DPP10: variants seen among roughly 807,000 people sequenced by gnomAD.
The protein encoded by DPP10 is inactive dipeptidyl peptidase 10.
A neutral mutation model predicts 120.9 loss-of-function variants in DPP10; 33 were observed. The ratio of observed to expected loss-of-function variants is 0.27; its 90% CI spans 0.21 to 0.37. The LOEUF is 0.37. Ranked by LOEUF, DPP10 falls within the 10% of genes least tolerant of loss-of-function variation. The probability of loss-of-function intolerance (pLI) is 1.00; values close to 1 mark genes in which losing one functional copy is unlikely to be tolerated. For synonymous variants in DPP10, 337 were observed against 326.1 expected, an observed-to-expected ratio of 1.03 and a Z score of -0.36; for missense variants, 816 against 942.8, an observed-to-expected ratio of 0.87 and a Z score of 1.76.
intron 3 of DPP10, among the ~76,000 whole-genome samples, chr2:115,358,762 G>T (rs1440747616): frequency 2.6e-5 from 4 of 152,174 alleles, no homozygotes; most frequent in Non-Finnish European, 5.9e-5. Context: ...AGTTCAGCAT[G>T]CCTGGGAAGG....
At chr2:115,766,170 A>T (rs1680683392) in intron 12 of DPP10, among the ~76,000 whole-genome samples, 2 of 151,702 alleles carry the variant, frequency 1.3e-5, no homozygotes, top group African/African-American at 4.8e-5. Flanking sequence ...AAGTATGTAA[A>T]TATGAGATTA....
chr2:114,849,567 A>G (rs1558806556), intron 1 of DPP10, among the ~76,000 whole-genome samples: 1 of 152,110 alleles, frequency 6.6e-6, no homozygotes, highest in Admixed American at 6.6e-5. Context: ...TGAACTCCTG[A>G]CCAGCCTGAG....
chr2:115,417,460 CAAT>C (rs2069532665), intron 3 of DPP10, among the ~76,000 whole-genome samples: 1 of 152,064 alleles, frequency 6.6e-6, no homozygotes, highest in Non-Finnish European at 1.5e-5. Flanking sequence ...TCAACATTAA[CAAT>C]AAATGTTATA....
rs943737464 is a variant in DPP10 at position 114,528,748 on chromosome 2, T to G, written c.60+85910T>G. On this transcript the variant is annotated intron_variant, in intron 1 of 25. Coordinates refer to ENST00000410059, the MANE Select transcript of DPP10 (RefSeq NM_020868.6). Reference sequence around the variant, plus strand: ...ATCACCACACTGTCCCTTTCCTTTTTCTTATATTTTCAGAGTATCAGTATA... The same window carrying G: ...ATCACCACACTGTCCCTTTCCTTTTGCTTATATTTTCAGAGTATCAGTATA... Among the ~76,000 whole-genome samples the G allele has an allele frequency of 2.0e-5, 3 of 151,878 alleles. No homozygotes were observed. The East Asian group carries it at 5.8e-4, about 29-fold the overall frequency.
intron 5 of DPP10, among the ~76,000 whole-genome samples, chr2:115,582,928 A>T (rs2082082228): frequency 6.6e-6 from 1 of 152,248 alleles, no homozygotes; most frequent in African/African-American, 2.4e-5. Flanking sequence ...CTTAGTTGAC[A>T]TCAGCTTTCT....
intron 1 of DPP10, among the ~76,000 whole-genome samples, chr2:114,532,892 T>C (rs573440282): frequency 6.6e-6 from 1 of 152,268 alleles, no homozygotes; most frequent in East Asian, 1.9e-4. Context: ...AGCAGGGATA[T>C]GATCAGGGGT....
intron 1 of DPP10, among the ~76,000 whole-genome samples, chr2:114,726,282 T>A (rs948861996): frequency 2.0e-5 from 3 of 149,858 alleles, no homozygotes; most frequent in African/African-American, 7.4e-5. Context: ...TGGGAAGAGC[T>A]AAACTAGCCA....
chr2:115,490,723 A>G (rs1385692113), intron 3 of DPP10, among the ~76,000 whole-genome samples: 4 of 152,234 alleles, frequency 2.6e-5, no homozygotes, highest in African/African-American at 9.6e-5. Flanking sequence ...ATTTAAATGT[A>G]ATATTGTAAC....
chr2:115,681,585 A>G (rs1289591367), intron 5 of DPP10, among the ~76,000 whole-genome samples: 1 of 151,710 alleles, frequency 6.6e-6, no homozygotes, highest in Non-Finnish European at 1.5e-5. Flanking sequence ...AAATTTCCAT[A>G]TATTTTTGTC....
intron 4 of DPP10, among the ~76,000 whole-genome samples, chr2:115,525,176 T>C (rs975992365): frequency 2.0e-5 from 3 of 152,178 alleles, no homozygotes; most frequent in Non-Finnish European, 2.9e-5. Flanking sequence ...TGGAGTTTTT[T>C]CACACATCAA....
intron 1 of DPP10, among the ~76,000 whole-genome samples, chr2:114,915,169 TC>T (rs1166830457): frequency 8.9e-4 from 135 of 152,028 alleles, no homozygotes; most frequent in African/African-American, 3.2e-3. Flanking sequence ...TGGAGAAATA[TC>T]TATCAAGAAA....
At chr2:115,542,704 AAG>A (rs552128784) in intron 5 of DPP10, among the ~76,000 whole-genome samples, 1 of 151,620 alleles carries the variant, frequency 6.6e-6, no homozygotes, top group Non-Finnish European at 1.5e-5. Context: ...TAAAAAAAAA[AAG>A]AGAGAGATGA....
chr2:114,497,090 TGTAC>T, intron 1 of DPP10, among the ~76,000 whole-genome samples: 1 of 150,108 alleles, frequency 6.7e-6, no homozygotes, highest in Admixed American at 6.6e-5. Flanking sequence ...TACATGTACA[TGTAC>T]ATGTGTACAT....
intron 3 of DPP10, among the ~76,000 whole-genome samples, chr2:115,414,914 C>A (rs1217304002): frequency 6.6e-6 from 1 of 152,074 alleles, no homozygotes; most frequent in African/African-American, 2.4e-5. Context: ...TACTGTTGAC[C>A]CCAATATCTC....
At chr2:115,270,115 GACAC>G (rs1559343030) in intron 1 of DPP10, among the ~76,000 whole-genome samples, 2 of 70,462 alleles carry the variant, frequency 2.8e-5, no homozygotes, top group Admixed American at 2.5e-4. Flanking sequence ...CACACACACA[GACAC>G]ACACACAAAC....
intron 21 of DPP10, among the ~76,000 whole-genome samples, chr2:115,830,354 G>C (rs1425219406): frequency 8.7e-6 from 1 of 115,488 alleles, no homozygotes; most frequent in Non-Finnish European, 1.7e-5. Flanking sequence ...GAAAAATTCT[G>C]TCTCAAAAAA....
intron 1 of DPP10, among the ~76,000 whole-genome samples, chr2:114,867,711 G>A (rs1015317730): frequency 6.6e-6 from 1 of 152,184 alleles, no homozygotes; most frequent in East Asian, 1.9e-4. Flanking sequence ...ATGCCTCCAC[G>A]ATGTCATGGA....
chr2:115,035,576 T>C (rs1292157859), intron 1 of DPP10, among the ~76,000 whole-genome samples: 1 of 152,210 alleles, frequency 6.6e-6, no homozygotes, highest in Non-Finnish European at 1.5e-5. Context: ...AATTCTTACA[T>C]TTCACTTTCT....
chr2:115,311,991 A>G lies in DPP10; in HGVS notation c.175+2638A>G, dbSNP rs533073641. Among the ~76,000 whole-genome samples the G allele has an allele frequency of 5.9e-5, 9 of 152,026 alleles. No individual in the cohort carries two copies. The South Asian group carries it at 6.2e-4, about 11-fold the overall frequency. On this transcript the variant is annotated intron_variant, in intron 2 of 25. Coordinates refer to ENST00000410059, the MANE Select transcript of DPP10 (RefSeq NM_020868.6). Reference sequence around the variant, plus strand: ...GGCTGGTCTCGAACTCCTGGTCTCAAGCAGTTCTCTTGCCTAGGCCTCCCA... The same window carrying G: ...GGCTGGTCTCGAACTCCTGGTCTCAGGCAGTTCTCTTGCCTAGGCCTCCCA...
Sources: gnomAD v4.1 joint callset for allele counts (sites outside exome capture counted in the v4.1 genomes callset) on GRCh38, gnomAD v4.1.1 for gene constraint, MANE v1.5 for transcripts, NCBI Gene and HGNC (gene_info 2026-07-23, HGNC 2026-07-21) for gene names.